Variants in GRK7 observed in about 807,000 individuals in gnomAD.
GRK7 encodes the protein G protein-coupled receptor kinase 7.
In GRK7, 24 loss-of-function variants were observed where a neutral mutation model predicts 34.1. That is an observed-to-expected ratio of 0.70 (90% CI 0.51 to 0.99). The LOEUF (loss-of-function observed/expected upper bound fraction) is 0.99. Among genes scored for constraint, GRK7 ranks in the 50% least tolerant of loss-of-function variants. The pLI is 0.00. For synonymous variants in GRK7, 256 were observed against 279.4 expected (o/e 0.92, Z 0.84); for missense variants, 644 against 707.3 (o/e 0.91, Z 1.02).
At chr3:141,786,843 C>G (rs1208484924) in intron 4 of GRK7, among the ~76,000 whole-genome samples, 1 of 151,852 alleles carries the variant, frequency 6.6e-6, no homozygotes, top group Non-Finnish European at 1.5e-5. Flanking sequence ...TCCAGGTGGG[C>G]CTGACCTCAT....
At chr3:141,785,132 A>G (rs1317545983) in intron 4 of GRK7, among the ~76,000 whole-genome samples, 1 of 152,250 alleles carries the variant, frequency 6.6e-6, no homozygotes, top group Non-Finnish European at 1.5e-5. Flanking sequence ...AGAGGTAACA[A>G]GGAAAAATCA....
At position 141,818,966 on chromosome 3, in the gene GRK7, TC is replaced by T. The variant is rs1711182753; in HGVS notation, c.*1919del. On this transcript the variant is annotated 3_prime_UTR_variant, in exon 6 of 6. Transcript: ENST00000682958. ...CGCTCCTCCTCCATCCTCAGCATGC[TC>T]CCTAATGCTCCAAATCCTAACCTAG... Among the ~76,000 whole-genome samples the T allele has an allele frequency of 6.6e-6, 1 of 152,094 alleles. No individual in the cohort carries two copies. Among genetic ancestry groups the T allele is most frequent in the East Asian group, 1.9e-4 (1 of 5,208 alleles).
chr3:141,797,467 G>GC (rs1055000527), intron 4 of GRK7, among the ~76,000 whole-genome samples: 8 of 152,212 alleles, frequency 5.3e-5, no homozygotes, highest in African/African-American at 1.9e-4. Context: ...AAGCGGCCAG[G>GC]CCCCCCTCGG....
intron 3 of GRK7, among the ~76,000 whole-genome samples, chr3:141,779,926 A>T (rs552153268): frequency 3.3e-5 from 5 of 152,194 alleles, no homozygotes; most frequent in African/African-American, 4.8e-5. Context: ...CTGTTGATGG[A>T]CACTTGGGCT....
At chr3:141,788,562 G>A (rs1022655336) in intron 4 of GRK7, among the ~76,000 whole-genome samples, 3 of 152,160 alleles carry the variant, frequency 2.0e-5, no homozygotes, top group Non-Finnish European at 2.9e-5. Context: ...CTTCTGCCCC[G>A]TGGGGTCTTC....
At position 141,765,739 on chromosome 3, in the gene GRK7, G is replaced by A. The variant is rs1409259724; in HGVS notation, c.-215+1G>A. On this transcript the variant is annotated splice_donor_variant, in intron 1 of 5. Transcript: ENST00000682958. LOFTEE classifies it low-confidence loss of function (5UTR_SPLICE). ...AATGCAACCATAAGAGTGAGTCCAG[G>A]TGAGACCAGCAAAGAGCTGCCCAAT... Among the ~76,000 whole-genome samples, 2 of 152,166 alleles carry A rather than the reference G, an allele frequency of 1.3e-5. No individual in the cohort carries two copies. The highest frequency in any genetic ancestry group is 1.5e-5 in the Non-Finnish European group (1 of 68,040).
chr3:141,814,102 T>C (rs1711122436), intron 5 of GRK7, among the ~76,000 whole-genome samples: 1 of 152,116 alleles, frequency 6.6e-6, no homozygotes, highest in African/African-American at 2.4e-5. Context: ...CTCAATCCTT[T>C]CCCAAAAAGC....
At chr3:141,752,611 T>C in the GRK7 span, among the ~76,000 whole-genome samples, 2 of 152,238 alleles carry the variant, frequency 1.3e-5, no homozygotes, top group Non-Finnish European at 2.9e-5. Context: ...ATAGCCCTTA[T>C]TATGCATCAA....
At chr3:141,771,042 A>G (rs2084614819) in intron 1 of GRK7, among the ~76,000 whole-genome samples, 1 of 151,410 alleles carries the variant, frequency 6.6e-6, no homozygotes, top group South Asian at 2.1e-4. Context: ...GAGAACTGCC[A>G]TTTGGTCCAG....
chr3:141,756,716 A>C, the GRK7 span, among the ~76,000 whole-genome samples: 3 of 152,196 alleles, frequency 2.0e-5, no homozygotes, highest in African/African-American at 4.8e-5. Context: ...ACCATAACCA[A>C]CACCCTTTTA....
rs771984816 is a variant in GRK7 at position 141,775,113 on chromosome 3, A to G, written c.-114+433A>G. 1.2e-4 allele frequency among the ~76,000 whole-genome samples: 19 copies of G among 152,148 alleles called. 1 individual carries two copies. The highest frequency in any genetic ancestry group is 2.1e-4 in the South Asian group (1 of 4,828). On this transcript the variant is annotated intron_variant, in intron 2 of 5. Transcript: ENST00000682958. ...AGCCAGATTATTTTTAATTAATAAG[A>G]AAGTGAACCAGGCACAGTGGCTCAC...
At chr3:141,781,198 T>G (rs570223895) in intron 4 of GRK7, among the ~76,000 whole-genome samples, 1 of 152,196 alleles carries the variant, frequency 6.6e-6, no homozygotes, top group East Asian at 1.9e-4. Context: ...GGCTGGACCC[T>G]AAAATTCCAT....
At chr3:141,790,376 G>T (rs2084718603) in intron 4 of GRK7, among the ~76,000 whole-genome samples, 1 of 152,136 alleles carries the variant, frequency 6.6e-6, no homozygotes, top group African/African-American at 2.4e-5. Flanking sequence ...GATGACATTA[G>T]CATATCTTCC....
intron 5 of GRK7, among the ~76,000 whole-genome samples, chr3:141,810,660 G>A (rs1248042686): frequency 6.6e-6 from 1 of 152,076 alleles, no homozygotes; most frequent in African/African-American, 2.4e-5. Flanking sequence ...GGGATTACAG[G>A]CACCCACCAC....
rs370316169 is a variant in GRK7, at chr3:141,778,552, G to C, written c.268G>C (p.Val90Leu). ...FRKAATFLED[V>L]QNWELAEEGP... ...CAAGGCGGCAACCTTCCTAGAGGACGTGCAGAACTGGGAGCTGGCCGAGGA... is the reference window on the plus strand; with the variant it reads ...CAAGGCGGCAACCTTCCTAGAGGACCTGCAGAACTGGGAGCTGGCCGAGGA... Residue 90 changes from valine to leucine, a missense_variant, in exon 3 of 6, where the codon GTG (valine) becomes CTG (leucine). Physicochemically the swap from Val to Leu is conservative, Grantham distance 32. Coordinates refer to ENST00000682958, the MANE Select transcript of GRK7 (RefSeq NM_139209.3). The surrounding 1 kb of genome is among the most constrained non-coding windows in gnomAD (Gnocchi z 4.1). 7 of 1,613,214 alleles carry C rather than the reference G, an allele frequency of 4.3e-6. No individual in the cohort carries two copies. The highest frequency in any genetic ancestry group is 5.9e-6 in the Non-Finnish European group (7 of 1,179,968).
Position 141,817,342 on chromosome 3 carries a change from C to T in GRK7, c.*292C>T, listed in dbSNP as rs1055669962. Reference sequence around the variant, plus strand: ...TTTACCATCATGTCCCTGTGTATTACGCAAAGTCCTAGGAACAGAGAATGG... The same window carrying T: ...TTTACCATCATGTCCCTGTGTATTATGCAAAGTCCTAGGAACAGAGAATGG... On this transcript the variant is annotated 3_prime_UTR_variant, in exon 6 of 6. Coordinates refer to ENST00000682958, the MANE Select transcript of GRK7 (RefSeq NM_139209.3). 4 of 294,548 alleles carry T rather than the reference C, an allele frequency of 1.4e-5. No homozygotes were observed. Among genetic ancestry groups the T allele is most frequent in the South Asian group, 1.1e-4 (1 of 9,342 alleles). 18.2% of individuals were successfully genotyped at this position (294,548 alleles called of 1,614,324 possible). A position where few individuals can be genotyped will look rare whatever the true frequency, so the allele number is the denominator to read the frequency against.
chr3:141,781,099 G>A (rs1213303111), intron 4 of GRK7, among the ~76,000 whole-genome samples: 2 of 152,108 alleles, frequency 1.3e-5, no homozygotes, highest in African/African-American at 4.8e-5. Context: ...TGAATCCATA[G>A]TCATGGTCCG....
intron 2 of GRK7, among the ~76,000 whole-genome samples, chr3:141,774,896 G>A (rs1295262514): frequency 2.0e-5 from 3 of 151,856 alleles, no homozygotes; most frequent in Non-Finnish European, 4.4e-5. Flanking sequence ...GGGTTCAGGC[G>A]ATTCTCCTGC....
intron 4 of GRK7, among the ~76,000 whole-genome samples, chr3:141,783,551 G>A (rs866771973): frequency 3.9e-5 from 6 of 152,188 alleles, no homozygotes; most frequent in Admixed American, 3.9e-4. Context: ...AAGAGGTAAC[G>A]TCGCCTGTGG....
Sources: allele counts gnomAD v4.1 joint callset (sites outside exome capture counted in the v4.1 genomes callset), GRCh38; gene constraint gnomAD v4.1.1; non-coding constraint Gnocchi (gnomAD v3.1); transcripts MANE v1.5; gene names NCBI Gene and HGNC (gene_info 2026-07-23, HGNC 2026-07-21).